The following TSGA10 variants were observed in gnomAD, a reference collection of about 807,000 sequenced individuals.
The protein encoded by TSGA10 is testis-specific gene 10 protein.
In TSGA10, 43 loss-of-function variants were observed where a neutral mutation model predicts 96.6. The observed-to-expected ratio is 0.44, with a 90% CI of 0.35 to 0.57. The LOEUF (loss-of-function observed/expected upper bound fraction) is 0.57. Among genes scored for constraint, TSGA10 ranks in the 20% least tolerant of loss-of-function variants. The pLI, the probability that TSGA10 is intolerant of heterozygous loss-of-function variation, is 0.01. For missense variants in TSGA10, 703 were observed against 834.4 expected (o/e 0.84, Z 1.94); for synonymous variants, 229 against 269.9 (o/e 0.85, Z 1.48).
chr2:99,102,490 T>C, intron 10 of TSGA10: 8 of 1,614,006 alleles, frequency 5.0e-6, no homozygotes, highest in Non-Finnish European at 5.9e-6. Flanking sequence ...ATTTTTGCCA[T>C]TCAGAAATGT....
intron 20 of TSGA10, among the ~76,000 whole-genome samples, chr2:99,013,622 C>T (rs1427098698): frequency 6.6e-6 from 1 of 151,854 alleles, no homozygotes; most frequent in African/African-American, 2.4e-5. Context: ...TGAGCCACCG[C>T]ACCCAGCCTG....
intron 9 of TSGA10, 52 bp from the exon 10 acceptor site, chr2:99,104,170 A>C (rs1362959105): frequency 1.3e-6 from 2 of 1,595,456 alleles, no homozygotes; most frequent in Non-Finnish European, 1.7e-6. Flanking sequence ...CACCTTAGTA[A>C]TCTTCCTGAA....
In TSGA10 at chr2:99,035,264, C is replaced by T. The variant is rs200196078; in HGVS notation, c.1580G>A (p.Arg527Gln). The change falls in exon 17 of 21, where the codon CGA (arginine) becomes CAA (glutamine). Residue 527 changes from arginine (R) to glutamine (Q), a missense_variant. Arg to Gln is a conservative substitution (Grantham distance 43, BLOSUM62 1). Around this residue, in one of 3 missense-constraint regions of TSGA10, gnomAD observed 585 missense variants for 656.8 expected, o/e 0.89. Coordinates refer to ENST00000393483, the MANE Select transcript of TSGA10 (RefSeq NM_025244.4). ...KLDSSKELLN[R>Q]QLVAKDQEIE... Reference sequence around the variant, plus strand: ...TTCTTGATCTTTAGCAACCAGCTGTCGATTAAGAAGTTCTTTGCTTGAGTC... The same window carrying T: ...TTCTTGATCTTTAGCAACCAGCTGTTGATTAAGAAGTTCTTTGCTTGAGTC... 2.0e-5 allele frequency: 33 copies of T among 1,610,678 alleles called. No individual in the cohort carries two copies. Among genetic ancestry groups the T allele is most frequent in the South Asian group, 6.6e-5 (6 of 90,242 alleles).
intron 20 of TSGA10, among the ~76,000 whole-genome samples, chr2:99,010,766 G>A (rs1419540048): frequency 6.6e-6 from 1 of 152,178 alleles, no homozygotes; most frequent in East Asian, 1.9e-4. Context: ...AGTGGAAGCT[G>A]CTGCAGATAG....
chr2:99,019,998 AT>A (rs747443596), intron 18 of TSGA10, among the ~76,000 whole-genome samples: 1 of 151,908 alleles, frequency 6.6e-6, no homozygotes, highest in African/African-American at 2.4e-5. Context: ...AAACTGGTTA[AT>A]TTTTTTTCTC....
At chr2:99,012,177 A>T (rs1233498957) in intron 20 of TSGA10, among the ~76,000 whole-genome samples, 1 of 152,200 alleles carries the variant, frequency 6.6e-6, no homozygotes, top group African/African-American at 2.4e-5. Context: ...GGAGTTCTAA[A>T]TCTTGAAACA....
rs2104515748 is a variant in TSGA10 at position 99,071,859 on chromosome 2, G to A, written c.954C>T (p.Ala318=). ...AAACGTCTTGTTCACACACAATTAG[G>A]GCCTCAGTACACTGTCTATTCCACA... ...MEQASRQCTE[A]LIVCEQDVSR... The change falls in exon 14 of 21, where the codon GCC becomes GCT. Residue 318 remains alanine, a synonymous_variant. Coordinates refer to ENST00000393483, the MANE Select transcript of TSGA10 (RefSeq NM_025244.4). The A allele has an allele frequency of 6.2e-7, 1 of 1,613,468 alleles. No homozygotes were observed. The highest frequency in any genetic ancestry group is 1.3e-5 in the African/African-American group (1 of 74,930).
At position 99,071,855 on chromosome 2, in the gene TSGA10, T is replaced by G; in HGVS notation, c.958A>C (p.Ile320Leu). The G allele has an allele frequency of 6.2e-7, 1 of 1,613,878 alleles. No homozygotes were observed. Among genetic ancestry groups the G allele is most frequent in the Non-Finnish European group, 8.5e-7 (1 of 1,179,848 alleles). Residue 320 changes from isoleucine to leucine, a missense_variant, in exon 14 of 21, where the codon ATT becomes CTT. Coordinates refer to ENST00000393483, the MANE Select transcript of TSGA10 (RefSeq NM_025244.4). Reference sequence around the variant, plus strand: ...CTGGAAACGTCTTGTTCACACACAATTAGGGCCTCAGTACACTGTCTATTC... The same window carrying G: ...CTGGAAACGTCTTGTTCACACACAAGTAGGGCCTCAGTACACTGTCTATTC... ...QASRQCTEAL[I>L]VCEQDVSRMR...
chr2:99,118,739 T>C, intron 2 of TSGA10, 53 bp from the exon 3 acceptor site: 1 of 915,734 alleles, frequency 1.1e-6, no homozygotes. Context: ...TGTCAGGAAC[T>C]ATATTAAATT....
In TSGA10 at chr2:99,035,207, G is replaced by T. The variant is rs759164735; in HGVS notation, c.1614+23C>A. ...ACTTTACAGTAATAGCAATTTTAAA[G>T]ATTTTTAAAATATATTACATACCAT... On this transcript the variant is annotated intron_variant, in intron 17 of 20. Transcript: ENST00000393483. 2.0e-5 allele frequency: 30 copies of T among 1,527,310 alleles called. No homozygotes were observed. In the South Asian group the frequency reaches 3.3e-4, roughly 17 times the overall value. The allele number at this position is 1,527,310 out of a possible 1,614,324, so 94.6% of individuals were successfully genotyped here.
At chr2:99,102,720 G>C (rs1428757142) in intron 10 of TSGA10, 18 of 1,610,436 alleles carry the variant, frequency 1.1e-5, no homozygotes, top group Non-Finnish European at 1.5e-5. Context: ...GATGGCCAAA[G>C]ACTTTGTAGA....
chr2:99,120,036 C>A (rs989569674), intron 2 of TSGA10, among the ~76,000 whole-genome samples: 6 of 152,068 alleles, frequency 3.9e-5, no homozygotes, highest in African/African-American at 1.4e-4. Flanking sequence ...GCCCATAAAG[C>A]CTCTTATATA....
chr2:99,012,192 CTCAAAATACA>C (rs1286354238), intron 20 of TSGA10, among the ~76,000 whole-genome samples: 1 of 152,070 alleles, frequency 6.6e-6, no homozygotes, highest in Non-Finnish European at 1.5e-5. Context: ...GAAACAAAAC[CTCAAAATACA>C]TCAAAATAGA....
intron 13 of TSGA10, among the ~76,000 whole-genome samples, chr2:99,072,263 C>T: frequency 6.6e-6 from 1 of 152,100 alleles, no homozygotes; most frequent in East Asian, 1.9e-4. Context: ...TCACTCTAAC[C>T]CTTCTCTCAG....
At chr2:99,102,354 A>G in intron 10 of TSGA10, 1 of 1,612,930 alleles carries the variant, frequency 6.2e-7, no homozygotes, top group Non-Finnish European at 8.5e-7. Flanking sequence ...CTCACAAAGC[A>G]GTGTCCCATC....
intron 1 of TSGA10, among the ~76,000 whole-genome samples, chr2:99,137,933 A>T (rs2093393853): frequency 6.6e-6 from 1 of 151,830 alleles, no homozygotes; most frequent in African/African-American, 2.4e-5. Flanking sequence ...GCCTGTATAT[A>T]ATAGGCCCCA....
chr2:99,037,985 G>C (rs2081806514), intron 16 of TSGA10, among the ~76,000 whole-genome samples: 1 of 151,760 alleles, frequency 6.6e-6, no homozygotes, highest in Non-Finnish European at 1.5e-5. Context: ...CAAGCTAGAA[G>C]GGATTGGGGT....
chr2:99,108,793 C>T, intron 7 of TSGA10, 40 bp downstream of exon 7: 1 of 1,412,312 alleles, frequency 7.1e-7, no homozygotes, highest in Non-Finnish European at 9.5e-7. Context: ...CTCTAGAACT[C>T]AATGTTATTA....
chr2:99,119,486 T>C (rs1179922614), intron 2 of TSGA10, among the ~76,000 whole-genome samples: 1 of 152,064 alleles, frequency 6.6e-6, no homozygotes, highest in African/African-American at 2.4e-5. Flanking sequence ...TAAAAAACAA[T>C]CTCATTAAAT....
Sources: allele counts gnomAD v4.1 joint callset (sites outside exome capture counted in the v4.1 genomes callset), GRCh38; gene constraint gnomAD v4.1.1; regional missense constraint gnomAD v4.1.1; transcripts MANE v1.5; gene names NCBI Gene and HGNC (gene_info 2026-07-23, HGNC 2026-07-21).